The following VWC2 variants were observed in gnomAD, a reference collection of about 807,000 sequenced individuals.
VWC2 encodes the protein brorin.
Under a neutral mutation model 29.8 loss-of-function variants are expected in VWC2, and 14 were observed. The observed-to-expected ratio is 0.47, with a 90% CI of 0.31 to 0.74. The LOEUF (loss-of-function observed/expected upper bound fraction) is 0.74, where lower values mean the gene tolerates loss of function less well. VWC2 is among the 30% of genes least tolerant of loss of function. The probability of loss-of-function intolerance (pLI) is 0.05; values close to 1 mark genes in which losing one functional copy is unlikely to be tolerated. For missense variants in VWC2, 457 were observed against 459.8 expected (o/e 0.99, Z 0.05); for synonymous variants, 213 against 199.0 (o/e 1.07, Z -0.59).
In VWC2 at chr7:49,859,506, C is replaced by T. The variant is rs552238153; in HGVS notation, c.827-52528C>T. Among the ~76,000 whole-genome samples, 42 of 152,176 alleles carry T rather than the reference C, an allele frequency of 2.8e-4. No individual in the cohort carries two copies. In the Middle Eastern group the frequency reaches 0.014, roughly 49 times the overall value. The stretch of plus-strand genomic sequence containing the variant: ...TGATTTTTTTTCTTGTTGTTCTTCA[C>T]GTGGATAACCACTTGTCTCAGCCCC... On this transcript the variant is annotated intron_variant, in intron 3 of 3. Coordinates refer to ENST00000340652, the MANE Select transcript of VWC2 (RefSeq NM_198570.5).
chr7:49,779,334 G>A (rs145518600), intron 2 of VWC2, among the ~76,000 whole-genome samples: 22 of 152,170 alleles, frequency 1.4e-4, no homozygotes, highest in African/African-American at 5.3e-4. Flanking sequence ...TTTACAGCCT[G>A]TTTGATCTCA....
At chr7:49,889,697 C>T (rs1792048673) in intron 3 of VWC2, among the ~76,000 whole-genome samples, 1 of 152,166 alleles carries the variant, frequency 6.6e-6, no homozygotes, top group African/African-American at 2.4e-5. Context: ...TTGCTTTTGC[C>T]AGTGACCACT....
chr7:49,803,071 G>A (rs1234520234), intron 3 of VWC2, among the ~76,000 whole-genome samples: 1 of 152,162 alleles, frequency 6.6e-6, no homozygotes, highest in Non-Finnish European at 1.5e-5. Flanking sequence ...GTTCTTTGGG[G>A]AGAAATTCAA....
chr7:49,909,117 T>G (rs1270074904), intron 3 of VWC2, among the ~76,000 whole-genome samples: 1 of 152,176 alleles, frequency 6.6e-6, no homozygotes, highest in Non-Finnish European at 1.5e-5. Context: ...AATAATTAAT[T>G]TAATCAGTCC....
chr7:49,811,574 C>A (rs187207912), intron 3 of VWC2, among the ~76,000 whole-genome samples: 5 of 152,280 alleles, frequency 3.3e-5, no homozygotes, highest in Admixed American at 3.3e-4. Flanking sequence ...TTATAAATAA[C>A]CCAGTCTTAG....
At chr7:49,889,430 A>G (rs1426903727) in intron 3 of VWC2, among the ~76,000 whole-genome samples, 2 of 152,240 alleles carry the variant, frequency 1.3e-5, no homozygotes, top group Non-Finnish European at 2.9e-5. Flanking sequence ...TATGCCTCAA[A>G]TGTGGGGAAG....
chr7:49,912,261 C>G lies in VWC2; in HGVS notation c.*76C>G, dbSNP rs1009095815. ...TGAACATTCTAGATGACTCTGGGAACTATCAGTCAAAGAAGACTTTTGATG... is the reference window on the plus strand; with the variant it reads ...TGAACATTCTAGATGACTCTGGGAAGTATCAGTCAAAGAAGACTTTTGATG... On this transcript the variant is annotated 3_prime_UTR_variant, in exon 4 of 4. Transcript: ENST00000340652. The G allele has an allele frequency of 6.8e-6, 10 of 1,462,394 alleles. No individual in the cohort carries two copies. In the African/African-American group the frequency reaches 1.3e-4, roughly 18 times the overall value. The allele number at this position is 1,462,394 out of a possible 1,614,324, so 90.6% of individuals were successfully genotyped here.
At chr7:49,785,212 AC>A (rs201681264) in intron 2 of VWC2, among the ~76,000 whole-genome samples, 3,942 of 152,290 alleles carry the variant, frequency 0.026, 140 homozygotes, top group African/African-American at 0.076. Flanking sequence ...TAATTAGCAA[AC>A]CAGCACACAG....
chr7:49,814,947 G>T (rs1036846689), intron 3 of VWC2, among the ~76,000 whole-genome samples: 4 of 152,212 alleles, frequency 2.6e-5, no homozygotes, highest in African/African-American at 9.7e-5. Flanking sequence ...ATTCTCAGAA[G>T]CCACAGTCCT....
chr7:49,885,992 C>T (rs942113634), intron 3 of VWC2, among the ~76,000 whole-genome samples: 6 of 152,166 alleles, frequency 3.9e-5, no homozygotes, highest in African/African-American at 7.2e-5. Context: ...ACATTTTTGA[C>T]GTGATGCATT....
At chr7:49,857,384 A>ATTTT (rs1790469593) in intron 3 of VWC2, among the ~76,000 whole-genome samples, 1 of 152,184 alleles carries the variant, frequency 6.6e-6, no homozygotes, top group Non-Finnish European at 1.5e-5. Context: ...TTAAGCCTGA[A>ATTTT]TATTCCAATG....
At chr7:49,848,817 A>G (rs1198118234) in intron 3 of VWC2, among the ~76,000 whole-genome samples, 3 of 152,236 alleles carry the variant, frequency 2.0e-5, no homozygotes, top group Non-Finnish European at 4.4e-5. Flanking sequence ...CAATTCAAAT[A>G]CACTTTTATA....
At position 49,912,376 on chromosome 7, in the gene VWC2, A is replaced by G; in HGVS notation, c.*191A>G. 1 of 550,278 alleles carries G rather than the reference A, an allele frequency of 1.8e-6. No individual in the cohort carries two copies. Among genetic ancestry groups the G allele is most frequent in the East Asian group, 3.2e-5 (1 of 31,416 alleles). 34.1% of individuals were successfully genotyped at this position (550,278 alleles called of 1,614,324 possible). On this transcript the variant is annotated 3_prime_UTR_variant, in exon 4 of 4. Coordinates refer to ENST00000340652, the MANE Select transcript of VWC2 (RefSeq NM_198570.5). ...ATGGATATATTTCAAAACATCAACA[A>G]GAACTTTGGGCATAAAATCCTTCTC...
At chr7:49,823,569 G>A (rs1360640339) in intron 3 of VWC2, among the ~76,000 whole-genome samples, 1 of 152,172 alleles carries the variant, frequency 6.6e-6, no homozygotes, top group East Asian at 1.9e-4. Context: ...CCATTCCTGG[G>A]CCGTAAATAT....
chr7:49,814,208 C>A (rs1450583008), intron 3 of VWC2, among the ~76,000 whole-genome samples: 2 of 152,144 alleles, frequency 1.3e-5, no homozygotes, highest in Admixed American at 6.5e-5. Context: ...TAGAGAAGAA[C>A]CTCAGTATCC....
intron 3 of VWC2, among the ~76,000 whole-genome samples, chr7:49,894,541 T>C (rs1204210705): frequency 6.6e-6 from 1 of 152,262 alleles, no homozygotes; most frequent in Non-Finnish European, 1.5e-5. Flanking sequence ...TATTTCAGTA[T>C]GCCAATTCAT....
chr7:49,905,523 ACC>A (rs892912888), intron 3 of VWC2, among the ~76,000 whole-genome samples: 100 of 152,318 alleles, frequency 6.6e-4, no homozygotes, highest in African/African-American at 2.3e-3. Context: ...TGTGAGGTAA[ACC>A]TTGATTTCTA....
intron 3 of VWC2, among the ~76,000 whole-genome samples, chr7:49,832,444 T>C (rs1285425935): frequency 6.6e-6 from 1 of 152,012 alleles, no homozygotes; most frequent in Non-Finnish European, 1.5e-5. Flanking sequence ...GAGGTTCCTA[T>C]GAGCTGATCA....
chr7:49,783,695 C>T (rs772213188), intron 2 of VWC2, among the ~76,000 whole-genome samples: 14 of 152,244 alleles, frequency 9.2e-5, no homozygotes, highest in East Asian at 3.9e-4. Context: ...AGGCCTCTGC[C>T]GAGGGCCCTG....
Sources: gnomAD v4.1 joint callset for allele counts (sites outside exome capture counted in the v4.1 genomes callset) on GRCh38, gnomAD v4.1.1 for gene constraint, MANE v1.5 for transcripts, NCBI Gene and HGNC (gene_info 2026-07-23, HGNC 2026-07-21) for gene names.